Variants in PDE1A observed in about 807,000 individuals in gnomAD.
The protein encoded by PDE1A is phosphodiesterase 1A.
PDE1A carries 35 observed loss-of-function variants against 61.7 expected under a neutral mutation model. The observed-to-expected ratio is 0.57, with a 90% CI of 0.43 to 0.75. The LOEUF (loss-of-function observed/expected upper bound fraction) is 0.75. PDE1A is among the 30% of genes least tolerant of loss of function. The pLI is 0.00. For missense variants in PDE1A, 597 were observed against 630.6 expected (o/e 0.95, Z 0.57); for synonymous variants, 232 against 213.2 (o/e 1.09, Z -0.77).
chr2:182,623,207 T>C, the PDE1A span, among the ~76,000 whole-genome samples: 3 of 152,058 alleles, frequency 2.0e-5, no homozygotes, highest in African/African-American at 4.8e-5. Context: ...GGGAATCTAA[T>C]GAGAGGAAAG....
intron 2 of PDE1A, among the ~76,000 whole-genome samples, chr2:182,501,738 C>T (rs989011428): frequency 6.6e-6 from 1 of 152,116 alleles, no homozygotes. Context: ...TTGACCTCAC[C>T]CACTTTCTCC....
intron 1 of PDE1A, among the ~76,000 whole-genome samples, chr2:182,371,782 C>CATTTATTT (rs562249870): frequency 1.7e-3 from 255 of 151,932 alleles, no homozygotes; most frequent in African/African-American, 5.9e-3. Context: ...AATGAATTAA[C>CATTTATTT]ATTTATTTAT....
chr2:182,606,764 A>C, the PDE1A span, among the ~76,000 whole-genome samples: 18 of 152,218 alleles, frequency 1.2e-4, no homozygotes, highest in Non-Finnish European at 1.9e-4. Context: ...TGGAAAAGGA[A>C]AGTATTCATG....
At chr2:182,415,292 TTTTAAAATAA>T (rs1258877856) in intron 1 of PDE1A, among the ~76,000 whole-genome samples, 1 of 152,124 alleles carries the variant, frequency 6.6e-6, no homozygotes, top group Non-Finnish European at 1.5e-5. Context: ...AAGTAAAATA[TTTTAAAATAA>T]CAAAACATGC....
the PDE1A span, among the ~76,000 whole-genome samples, chr2:182,603,239 T>A: frequency 2.4e-4 from 26 of 109,272 alleles, no homozygotes; most frequent in African/African-American, 1.1e-3. Flanking sequence ...TAGGAAAATA[T>A]CATCAGTTTT....
chr2:182,213,019 C>T (rs1687788530), intron 7 of PDE1A, among the ~76,000 whole-genome samples: 1 of 150,120 alleles, frequency 6.7e-6, no homozygotes, highest in South Asian at 2.1e-4. Context: ...ATGTCCCTGT[C>T]TGACAGCTTT....
At chr2:182,547,389 A>G in the PDE1A span, among the ~76,000 whole-genome samples, 1 of 152,200 alleles carries the variant, frequency 6.6e-6, no homozygotes, top group Admixed American at 6.5e-5. Context: ...ACCAAAGTTG[A>G]TGTGTTTTAA....
intron 3 of PDE1A, among the ~76,000 whole-genome samples, chr2:182,238,609 T>G (rs939199047): frequency 1.3e-5 from 2 of 152,184 alleles, no homozygotes; most frequent in East Asian, 3.8e-4. Context: ...TTTTGAAAAT[T>G]TCCAATAAAC....
chr2:182,392,568 C>G (rs1222470550), intron 1 of PDE1A, among the ~76,000 whole-genome samples: 2 of 151,594 alleles, frequency 1.3e-5, no homozygotes, highest in African/African-American at 4.8e-5. Flanking sequence ...CTCATTTCAG[C>G]ATTAACGCAA....
the PDE1A span, among the ~76,000 whole-genome samples, chr2:182,677,301 CACA>C: frequency 1.3e-5 from 2 of 152,092 alleles, no homozygotes; most frequent in Non-Finnish European, 2.9e-5. Flanking sequence ...AATTCCCATT[CACA>C]ATTGCCATAA....
intron 3 of PDE1A, among the ~76,000 whole-genome samples, chr2:182,238,266 C>CAAAAAAAAAAAAAAAAAAA (rs3063250): frequency 6.8e-4 from 67 of 97,924 alleles, no homozygotes; most frequent in East Asian, 2.0e-3. Context: ...CAGACTACGT[C>CAAAAAAAAAAAAAAAAAAA]AAAAAAAAAA....
the PDE1A span, among the ~76,000 whole-genome samples, chr2:182,629,121 A>G: frequency 6.6e-6 from 1 of 152,296 alleles, no homozygotes; most frequent in South Asian, 2.1e-4. Flanking sequence ...AGCCAGGGCC[A>G]TCAGGCAGGC....
chr2:182,383,790 C>T (rs1423262033), intron 1 of PDE1A, among the ~76,000 whole-genome samples: 3 of 152,134 alleles, frequency 2.0e-5, no homozygotes, highest in Non-Finnish European at 2.9e-5. Context: ...TTACATTACT[C>T]GCATCATTCT....
At chr2:182,349,482 G>C (rs1474293238) in intron 1 of PDE1A, among the ~76,000 whole-genome samples, 1 of 152,118 alleles carries the variant, frequency 6.6e-6, no homozygotes, top group Non-Finnish European at 1.5e-5. Flanking sequence ...CTTGGTCAGA[G>C]ACCAAATTGG....
downstream of PDE1A, among the ~76,000 whole-genome samples, chr2:182,166,678 A>G (rs1559128017): frequency 6.6e-6 from 1 of 152,022 alleles, no homozygotes; most frequent in Admixed American, 6.6e-5. Context: ...AATAAATTTC[A>G]CTTCACATGT....
chr2:182,207,116 A>G (rs983713480), intron 7 of PDE1A, among the ~76,000 whole-genome samples: 1 of 152,204 alleles, frequency 6.6e-6, no homozygotes, highest in Non-Finnish European at 1.5e-5. Flanking sequence ...GAACTGGGTA[A>G]TGGGCAGAGG....
chr2:182,708,939 A>G, the PDE1A span, among the ~76,000 whole-genome samples: 1 of 152,188 alleles, frequency 6.6e-6, no homozygotes, highest in Non-Finnish European at 1.5e-5. Context: ...TATAAAGCAG[A>G]TGTAAGTTTT....
At chr2:182,379,062 T>C (rs1242325352) in intron 1 of PDE1A, among the ~76,000 whole-genome samples, 5 of 152,128 alleles carry the variant, frequency 3.3e-5, no homozygotes, top group Non-Finnish European at 7.4e-5. Context: ...TGTTAAGCAA[T>C]TGAAAAATGA....
At chr2:182,341,245 T>C (rs1253447783) in intron 1 of PDE1A, among the ~76,000 whole-genome samples, 2 of 152,160 alleles carry the variant, frequency 1.3e-5, no homozygotes, top group Non-Finnish European at 2.9e-5. Flanking sequence ...TGGGATCCTA[T>C]CTAAATTACA....
Sources: allele counts gnomAD v4.1 joint callset (sites outside exome capture counted in the v4.1 genomes callset), GRCh38; gene constraint gnomAD v4.1.1; transcripts MANE v1.5; gene names NCBI Gene and HGNC (gene_info 2026-07-23, HGNC 2026-07-21).